The following CTXN2 variants were observed in gnomAD, a reference collection of about 807,000 sequenced individuals.
CTXN2 encodes cortexin-2.
CTXN2 carries 3 observed loss-of-function variants against 5.7 expected under a neutral mutation model. The ratio of observed to expected loss-of-function variants is 0.53; its 90% CI spans 0.24 to 1.36. CTXN2 has a LOEUF of 1.36. Among genes scored for constraint, CTXN2 ranks in the 40% most tolerant of loss-of-function variants. CTXN2 has a pLI of 0.17. For synonymous variants in CTXN2, 38 were observed against 36.4 expected, an observed-to-expected ratio of 1.04 and a Z score of -0.16; for missense variants, 87 against 93.0, an observed-to-expected ratio of 0.94 and a Z score of 0.26.
In CTXN2 at chr15:48,203,660, T is replaced by C. The variant is rs901922796; in HGVS notation, c.*2114T>C. ...AAGAAAACTTTATGAAATATGAGCA[T>C]TGTTTCTGGAAGTTCAACTCCCATA... On this transcript the variant is annotated 3_prime_UTR_variant, in exon 2 of 2. Transcript: ENST00000417307. The C allele has an allele frequency of 6.0e-6, 1 of 167,000 alleles. No individual in the cohort carries two copies. 10.3% of individuals were successfully genotyped at this position (167,000 alleles called of 1,614,324 possible).
intron 1 of CTXN2, among the ~76,000 whole-genome samples, chr15:48,200,057 C>T (rs963048108): frequency 2.6e-5 from 4 of 152,140 alleles, no homozygotes; most frequent in African/African-American, 9.6e-5. Context: ...TTTTCTTACT[C>T]TCTTTCTTCA....
At position 48,201,510 on chromosome 15, in the gene CTXN2, G is replaced by A; in HGVS notation, c.210G>A (p.Glu70=). ...PSSTWEDEVE[E]FDKGTFEYAL... ...CTACATGGGAAGATGAAGTTGAAGA[G>A]TTTGATAAAGGGACATTTGAATATG... is the stretch of plus-strand genomic sequence containing the variant. Residue 70 remains glutamate (E), a synonymous_variant, in exon 2 of 2, where the codon GAG becomes GAA. Transcript: ENST00000417307. 1.9e-6 allele frequency: 3 copies of A among 1,551,170 alleles called. No individual in the cohort carries two copies. The highest frequency in any genetic ancestry group is 2.6e-6 in the Non-Finnish European group (3 of 1,146,594).
At chr15:48,194,212 C>T (rs2040855260) in intron 1 of CTXN2, among the ~76,000 whole-genome samples, 2 of 138,754 alleles carry the variant, frequency 1.4e-5, no homozygotes, top group East Asian at 4.6e-4. Context: ...CTTTCTCAAC[C>T]CATTTTTTTT....
chr15:48,190,355 T>C (rs1013663543), upstream of CTXN2, among the ~76,000 whole-genome samples: 12 of 152,302 alleles, frequency 7.9e-5, no homozygotes, highest in African/African-American at 2.9e-4. Context: ...CATGGAAATG[T>C]CCCTAGAATA....
At position 48,199,426 on chromosome 15, in the gene CTXN2, A is replaced by G. The variant is rs541181246; in HGVS notation, c.-57-1818A>G. ...CCTCCTCTTACCCACATATCCCCTG[A>G]AATATCCACATGTTGTAGCCCAGCA... On this transcript the variant is annotated intron_variant, in intron 1 of 1. Coordinates refer to ENST00000417307, the MANE Select transcript of CTXN2 (RefSeq NM_001145668.2). Among the ~76,000 whole-genome samples the G allele has an allele frequency of 1.4e-3, 218 of 152,268 alleles. 1 individual carries two copies. The highest frequency in any genetic ancestry group is 6.8e-3 in the Middle Eastern group (2 of 294).
chr15:48,188,461 A>G (rs1447433971), upstream of CTXN2, among the ~76,000 whole-genome samples: 1 of 152,186 alleles, frequency 6.6e-6, no homozygotes, highest in East Asian at 1.9e-4. Flanking sequence ...GGATATATCT[A>G]TGAAATCTAA....
At chr15:48,193,131 T>C (rs1347150446) in intron 1 of CTXN2, among the ~76,000 whole-genome samples, 1 of 152,162 alleles carries the variant, frequency 6.6e-6, no homozygotes, top group African/African-American at 2.4e-5. Flanking sequence ...TTTGGGCTAT[T>C]TGATATCTAC....
intron 1 of CTXN2, among the ~76,000 whole-genome samples, chr15:48,180,523 C>T (rs982449810): frequency 5.9e-5 from 9 of 151,832 alleles, no homozygotes; most frequent in African/African-American, 2.2e-4. Context: ...TTTGTTTTGT[C>T]TTTTTTGAGA....
chr15:48,195,109 C>T (rs1274837861), intron 1 of CTXN2, among the ~76,000 whole-genome samples: 1 of 152,130 alleles, frequency 6.6e-6, no homozygotes. Context: ...TCACCAAGTC[C>T]AGAAATAAAC....
chr15:48,181,454 A>G (rs934974488), intron 1 of CTXN2, among the ~76,000 whole-genome samples: 3 of 152,328 alleles, frequency 2.0e-5, no homozygotes, highest in Middle Eastern at 3.4e-3. Flanking sequence ...TAGTCACATG[A>G]CACACTCATC....
chr15:48,178,927 G>A (rs915074324), intron 1 of CTXN2, among the ~76,000 whole-genome samples: 12 of 151,754 alleles, frequency 7.9e-5, no homozygotes, highest in African/African-American at 2.9e-4. Context: ...GTTTTTCTCT[G>A]GACATCAATC....
chr15:48,179,724 A>G (rs1426937825), intron 1 of CTXN2, among the ~76,000 whole-genome samples: 3 of 152,220 alleles, frequency 2.0e-5, no homozygotes, highest in Admixed American at 6.5e-5. Flanking sequence ...TGTAGGAAAA[A>G]GTGCTATATG....
At chr15:48,193,875 CAG>C (rs1379527249) in intron 1 of CTXN2, among the ~76,000 whole-genome samples, 1 of 152,010 alleles carries the variant, frequency 6.6e-6, no homozygotes, top group East Asian at 1.9e-4. Context: ...CTTCATTTCA[CAG>C]AGCAAGTAAA....
intron 1 of CTXN2, among the ~76,000 whole-genome samples, chr15:48,200,007 G>A (rs553890901): frequency 6.6e-6 from 1 of 152,202 alleles, no homozygotes; most frequent in South Asian, 2.1e-4. Flanking sequence ...ATTAGTTGGT[G>A]TATTATTTGC....
Position 48,184,860 on chromosome 15 carries a change from C to A in CTXN2, c.-455+6460C>A, listed in dbSNP as rs968871193. Among the ~76,000 whole-genome samples, 8 of 152,224 alleles carry A rather than the reference C, an allele frequency of 5.3e-5. No individual in the cohort carries two copies. In the South Asian group the frequency reaches 8.3e-4, roughly 16 times the overall value. ...GCCTGCACACAAATATTTATAGTAT[C>A]TTTATTCATAATTGCCAAAAATTGG... On this transcript the variant is annotated intron_variant, in intron 1 of 2. Transcript: ENST00000644354.
intron 1 of CTXN2, 94 bp downstream of exon 1, chr15:48,191,947 C>T (rs2040827808): frequency 2.5e-6 from 1 of 403,478 alleles, no homozygotes; most frequent in Non-Finnish European, 5.0e-6. Flanking sequence ...GAAGCATGTC[C>T]TCATTCTCTT....
chr15:48,183,417 C>T (rs938658134), intron 1 of CTXN2, among the ~76,000 whole-genome samples: 2 of 152,132 alleles, frequency 1.3e-5, no homozygotes, highest in African/African-American at 4.8e-5. Context: ...TTAACTTTTA[C>T]GATGATTTGT....
intron 1 of CTXN2, among the ~76,000 whole-genome samples, chr15:48,194,712 A>G (rs1033190007): frequency 1.3e-5 from 2 of 152,104 alleles, no homozygotes; most frequent in Non-Finnish European, 2.9e-5. Flanking sequence ...GGCTTCTTCC[A>G]TCTTTAATCT....
rs2040824456 is a variant in CTXN2, at chr15:48,191,688, T to G, written c.-223T>G. The G allele has an allele frequency of 2.2e-6, 1 of 455,802 alleles. No individual in the cohort carries two copies. The highest frequency in any genetic ancestry group is 2.4e-5 in the Admixed American group (1 of 42,552). 28.2% of individuals were successfully genotyped at this position (455,802 alleles called of 1,614,324 possible). A position where few individuals can be genotyped will look rare whatever the true frequency, so the allele number is the denominator to read the frequency against. The stretch of plus-strand genomic sequence containing the variant: ...CTGTCTCACCAACAGACACAGACAT[T>G]TACACTTCTAGGCCAGGAAAGCGCT... On this transcript the variant is annotated 5_prime_UTR_variant, in exon 1 of 2. The change creates a new upstream start codon in the 5' untranslated region. Coordinates refer to ENST00000417307, the MANE Select transcript of CTXN2 (RefSeq NM_001145668.2).
Sources: gnomAD v4.1 joint callset for allele counts (sites outside exome capture counted in the v4.1 genomes callset) on GRCh38, gnomAD v4.1.1 for gene constraint, MANE v1.5 for transcripts, NCBI Gene and HGNC (gene_info 2026-07-23, HGNC 2026-07-21) for gene names.